GNG2: variants seen among roughly 807,000 people sequenced by gnomAD.
GNG2 encodes guanine nucleotide-binding protein G(I)/G(S)/G(O) subunit gamma-2.
Under a neutral mutation model 5.5 loss-of-function variants are expected in GNG2, and 5 were observed. The ratio of observed to expected loss-of-function variants is 0.91; its 90% CI spans 0.48 to 1.92. The LOEUF is 1.92. GNG2 is among the 30% of genes most tolerant of loss of function. GNG2 has a pLI of 0.01. For synonymous variants in GNG2, 28 were observed against 32.0 expected (o/e 0.88, Z 0.42); for missense variants, 55 against 88.4 (o/e 0.62, Z 1.52).
intron 2 of GNG2, among the ~76,000 whole-genome samples, chr14:51,847,560 A>T (rs1881675131): frequency 6.8e-6 from 1 of 146,768 alleles, no homozygotes; most frequent in East Asian, 2.0e-4. Flanking sequence ...CACATTTCAA[A>T]TTTAAAAAAA....
intron 2 of GNG2, among the ~76,000 whole-genome samples, chr14:51,943,548 C>T (rs979836325): frequency 1.3e-5 from 2 of 152,186 alleles, no homozygotes; most frequent in Admixed American, 1.3e-4. Context: ...ACATCCTTTC[C>T]TCAAGAAGAC....
intron 2 of GNG2, among the ~76,000 whole-genome samples, chr14:51,828,020 T>C (rs1426134640): frequency 6.6e-6 from 1 of 152,158 alleles, no homozygotes; most frequent in Non-Finnish European, 1.5e-5. Flanking sequence ...AAGCACCATA[T>C]GCCTTGGGGG....
chr14:51,902,574 T>G (rs1411823998), intron 2 of GNG2, among the ~76,000 whole-genome samples: 1 of 152,158 alleles, frequency 6.6e-6, no homozygotes, highest in Admixed American at 6.5e-5. Flanking sequence ...AAATGAGATA[T>G]AGTCATATCT....
At position 51,953,449 on chromosome 14, in the gene GNG2, A is replaced by T. The variant is rs553966706; in HGVS notation, c.87+2684A>T. On this transcript the variant is annotated intron_variant, in intron 3 of 3. Coordinates refer to ENST00000556766, the MANE Select transcript of GNG2 (RefSeq NM_053064.5). ...GTGATCAGAAAGAAGCCAATACCAC[A>T]CTCTGATTGCCCTTTGAAGAGACAC... Among the ~76,000 whole-genome samples the T allele has an allele frequency of 1.1e-4, 16 of 152,234 alleles. 1 individual carries two copies. The South Asian group carries it at 3.1e-3, about 30-fold the overall frequency.
At chr14:51,864,394 C>A (rs1425051700) in intron 1 of GNG2, among the ~76,000 whole-genome samples, 1 of 152,120 alleles carries the variant, frequency 6.6e-6, no homozygotes, top group Non-Finnish European at 1.5e-5. Flanking sequence ...AATTTTTAAT[C>A]AAATTTTTGA....
At chr14:51,835,054 C>A (rs990756442) in intron 2 of GNG2, among the ~76,000 whole-genome samples, 1 of 152,118 alleles carries the variant, frequency 6.6e-6, no homozygotes, top group Non-Finnish European at 1.5e-5. Context: ...GAATTAGGCT[C>A]CAGAGAGTGG....
chr14:51,863,679 C>T (rs1882677108), intron 1 of GNG2, among the ~76,000 whole-genome samples: 1 of 151,838 alleles, frequency 6.6e-6, no homozygotes, highest in African/African-American at 2.4e-5. Flanking sequence ...TAATCAATAC[C>T]TCCTCTTTCC....
At chr14:51,865,323 C>G (rs1001225101) in intron 1 of GNG2, among the ~76,000 whole-genome samples, 3 of 152,032 alleles carry the variant, frequency 2.0e-5, no homozygotes, top group African/African-American at 7.2e-5. Flanking sequence ...TTAGTCTCCA[C>G]CCTCCCACCC....
chr14:51,856,299 G>T (rs1034391211), upstream of GNG2, among the ~76,000 whole-genome samples: 1 of 152,188 alleles, frequency 6.6e-6, no homozygotes, highest in African/African-American at 2.4e-5. Flanking sequence ...GATGCTCTGG[G>T]ACAGTTGGAA....
At chr14:51,944,235 G>A (rs1254750066) in intron 2 of GNG2, among the ~76,000 whole-genome samples, 3 of 152,140 alleles carry the variant, frequency 2.0e-5, no homozygotes, top group African/African-American at 7.2e-5. Flanking sequence ...AATTGACAAG[G>A]TGGCTTAAAG....
Position 51,968,739 on chromosome 14 carries a change from CA to C in GNG2, c.*2056del, listed in dbSNP as rs1890062703. On this transcript the variant is annotated 3_prime_UTR_variant, in exon 4 of 4. Transcript: ENST00000556766. ...AACATATCACAGTTTTTACATGGGCCAAAACATGAATTGAGTATGTGGTCAC... is the reference window on the plus strand; with the variant it reads ...AACATATCACAGTTTTTACATGGGCCAAACATGAATTGAGTATGTGGTCAC... 1 of 152,066 alleles carries C rather than the reference CA, an allele frequency of 6.6e-6. No individual in the cohort carries two copies. The highest frequency in any genetic ancestry group is 2.4e-5 in the African/African-American group (1 of 41,396). The allele number at this position is 152,066 out of a possible 1,614,324, so 9.4% of individuals were successfully genotyped here. A position where few individuals can be genotyped will look rare whatever the true frequency, so the allele number is the denominator to read the frequency against.
At chr14:51,843,330 C>A (rs1017451610) in intron 2 of GNG2, among the ~76,000 whole-genome samples, 1 of 152,108 alleles carries the variant, frequency 6.6e-6, no homozygotes, top group Non-Finnish European at 1.5e-5. Context: ...CAGACATACC[C>A]AGACACCTGA....
At chr14:51,964,878 A>T (rs1889808400) in intron 3 of GNG2, among the ~76,000 whole-genome samples, 2 of 152,240 alleles carry the variant, frequency 1.3e-5, no homozygotes, top group African/African-American at 4.8e-5. Flanking sequence ...ATGCACCTGT[A>T]GTCCCAGCTA....
chr14:51,958,140 G>T (rs578125614), intron 3 of GNG2, among the ~76,000 whole-genome samples: 1 of 152,236 alleles, frequency 6.6e-6, no homozygotes, highest in Admixed American at 6.5e-5. Context: ...GTTTCCGTTG[G>T]CACAGACTGA....
chr14:51,921,486 G>A (rs1887012228), intron 2 of GNG2, among the ~76,000 whole-genome samples: 1 of 152,196 alleles, frequency 6.6e-6, no homozygotes, highest in Admixed American at 6.5e-5. Context: ...TACCAAACCT[G>A]CTTTGTGTTA....
intron 3 of GNG2, among the ~76,000 whole-genome samples, chr14:51,960,223 C>T (rs76886377): frequency 6.6e-6 from 1 of 150,448 alleles, no homozygotes; most frequent in Non-Finnish European, 1.5e-5. Context: ...TGGATAGTTT[C>T]TATTGCTATC....
intron 3 of GNG2, among the ~76,000 whole-genome samples, chr14:51,951,384 C>T (rs1259188158): frequency 6.6e-6 from 1 of 152,192 alleles, no homozygotes; most frequent in African/African-American, 2.4e-5. Context: ...TCATCTGGAA[C>T]CAAGACTTTA....
intron 2 of GNG2, among the ~76,000 whole-genome samples, chr14:51,885,465 C>T (rs188014550): frequency 3.9e-5 from 6 of 152,082 alleles, no homozygotes; most frequent in Non-Finnish European, 7.4e-5. Context: ...TCTTTTGAGA[C>T]CTTCTTTCAA....
At position 51,850,960 on chromosome 14, in the gene GNG2, C is replaced by T. The variant is rs117833764; in HGVS notation, c.64+23153C>T. On this transcript the variant is annotated intron_variant, in intron 2 of 3. Coordinates refer to the GNG2 transcript ENST00000553432. ...GCCCCACCTCCAACACTGGGAATTA[C>T]AGTTCAACATGAGATTTGGGTGGGG... Among the ~76,000 whole-genome samples, 29 of 152,332 alleles carry T rather than the reference C, an allele frequency of 1.9e-4. No individual in the cohort carries two copies. In the East Asian group the frequency reaches 5.2e-3, roughly 27 times the overall value.
Sources: allele counts gnomAD v4.1 joint callset (sites outside exome capture counted in the v4.1 genomes callset), GRCh38; gene constraint gnomAD v4.1.1; transcripts MANE v1.5; gene names NCBI Gene and HGNC (gene_info 2026-07-23, HGNC 2026-07-21).